The following CLRN1 variants were observed in gnomAD, a reference collection of about 807,000 sequenced individuals.
CLRN1 encodes clarin 1.
A neutral mutation model predicts 18.7 loss-of-function variants in CLRN1; 15 were observed. The ratio of observed to expected loss-of-function variants is 0.80; its 90% CI spans 0.54 to 1.23. The LOEUF is 1.23. CLRN1 is among the 50% of genes most tolerant of loss of function. The pLI is 0.00. For synonymous variants in CLRN1, 104 were observed against 102.9 expected, an observed-to-expected ratio of 1.01 and a Z score of -0.07; for missense variants, 311 against 277.5, an observed-to-expected ratio of 1.12 and a Z score of -0.86.
intron 1 of CLRN1, among the ~76,000 whole-genome samples, chr3:150,961,710 A>G (rs1224708766): frequency 6.6e-6 from 1 of 152,224 alleles, no homozygotes; most frequent in Non-Finnish European, 1.5e-5. Context: ...TTGAAAGAGA[A>G]TAAGAGGGAA....
intron 2 of CLRN1, among the ~76,000 whole-genome samples, chr3:150,930,645 CTCTTTA>C (rs1246806019): frequency 1.3e-5 from 2 of 152,104 alleles, no homozygotes. Context: ...GTGCTGTTTT[CTCTTTA>C]TCTTTTATTC....
At chr3:150,952,784 A>C (rs1714558718) in intron 1 of CLRN1, among the ~76,000 whole-genome samples, 1 of 152,220 alleles carries the variant, frequency 6.6e-6, no homozygotes. Context: ...AAGAAGTTGC[A>C]CTGATTTGCC....
rs1435965875 is a variant in CLRN1, at chr3:150,926,703, G to T, written c.*1233C>A. 7.2e-6 allele frequency: 9 copies of T among 1,255,678 alleles called. No individual in the cohort carries two copies. Among genetic ancestry groups the T allele is most frequent in the Non-Finnish European group, 1.0e-5 (9 of 861,008 alleles). The allele number at this position is 1,255,678 out of a possible 1,614,324, so 77.8% of individuals were successfully genotyped here. On this transcript the variant is annotated 3_prime_UTR_variant, in exon 3 of 3. Transcript: ENST00000327047. ...GGGAAACAGTGTTTTATTTTAAGGA[G>T]TACTTTCAAACCTATTATATGAGGG... is the stretch of plus-strand genomic sequence containing the variant.
intron 2 of CLRN1, among the ~76,000 whole-genome samples, chr3:150,929,586 A>G (rs1267651160): frequency 6.6e-5 from 10 of 152,358 alleles, no homozygotes; most frequent in Admixed American, 5.9e-4. Context: ...GCTAATATAA[A>G]TAAAGCATGA....
At chr3:150,935,044 A>G (rs902683483) in intron 2 of CLRN1, among the ~76,000 whole-genome samples, 3 of 152,006 alleles carry the variant, frequency 2.0e-5, no homozygotes, top group Non-Finnish European at 4.4e-5. Flanking sequence ...ATTGCTACTC[A>G]GTGTCGTTTG....
intron 2 of CLRN1, among the ~76,000 whole-genome samples, chr3:150,937,989 TC>T (rs1423850855): frequency 6.6e-6 from 1 of 152,086 alleles, no homozygotes; most frequent in Non-Finnish European, 1.5e-5. Context: ...CCCTTCCCTT[TC>T]CCCTTTCTAC....
chr3:150,953,389 C>T (rs1049419980), intron 1 of CLRN1, among the ~76,000 whole-genome samples: 3 of 152,132 alleles, frequency 2.0e-5, no homozygotes, highest in Admixed American at 6.5e-5. Context: ...CAATGTGTCT[C>T]GGTCTCCTCA....
chr3:150,941,138 G>GTATCTA (rs1553772523), intron 2 of CLRN1, among the ~76,000 whole-genome samples: 1 of 141,502 alleles, frequency 7.1e-6, no homozygotes, highest in Non-Finnish European at 1.5e-5. Flanking sequence ...CTGTCTGTCT[G>GTATCTA]TCTATCTATC....
intron 2 of CLRN1, among the ~76,000 whole-genome samples, chr3:150,930,063 T>C (rs1322893306): frequency 6.6e-6 from 1 of 152,252 alleles, no homozygotes; most frequent in Non-Finnish European, 1.5e-5. Context: ...ATAATACTCA[T>C]GATTTTTGCT....
intron 1 of CLRN1, among the ~76,000 whole-genome samples, chr3:150,947,928 A>G (rs928879674): frequency 6.6e-6 from 1 of 152,224 alleles, no homozygotes; most frequent in African/African-American, 2.4e-5. Context: ...TTATAGCACT[A>G]AATGTCCACA....
At position 150,927,344 on chromosome 3, in the gene CLRN1, C is replaced by G. The variant is rs750506543; in HGVS notation, c.*592G>C. 34 of 415,988 alleles carry G rather than the reference C, an allele frequency of 8.2e-5. No homozygotes were observed. The highest frequency in any genetic ancestry group is 4.7e-6 in the Non-Finnish European group (1 of 212,344). 25.8% of individuals were successfully genotyped at this position (415,988 alleles called of 1,614,324 possible). On this transcript the variant is annotated 3_prime_UTR_variant, in exon 3 of 3. Coordinates refer to ENST00000327047, the MANE Select transcript of CLRN1 (RefSeq NM_174878.3). Reference sequence around the variant, plus strand: ...TCACTTTATTGCCCAGGCTGTAACTCGAACTCCTGAACTCAAATGATCTTC... The same window carrying G: ...TCACTTTATTGCCCAGGCTGTAACTGGAACTCCTGAACTCAAATGATCTTC...
At chr3:150,968,840 C>T (rs898301434) in intron 1 of CLRN1, among the ~76,000 whole-genome samples, 2 of 152,172 alleles carry the variant, frequency 1.3e-5, no homozygotes, top group African/African-American at 2.4e-5. Context: ...TGACCCTATG[C>T]AAATCAGACA....
rs187383372 is a variant in CLRN1 at position 150,938,204 on chromosome 3, C to T, written c.433+3378G>A. On this transcript the variant is annotated intron_variant, in intron 2 of 2. Coordinates refer to ENST00000327047, the MANE Select transcript of CLRN1 (RefSeq NM_174878.3). ...AGTGAGCACTGCCACCTGGGCAGCACACATTGGCAAGAGAAACAAGGGAAG... is the reference window on the plus strand; with the variant it reads ...AGTGAGCACTGCCACCTGGGCAGCATACATTGGCAAGAGAAACAAGGGAAG... 8.5e-3 allele frequency among the ~76,000 whole-genome samples: 1,292 copies of T among 152,256 alleles called. 10 individuals carry two copies. The highest frequency in any genetic ancestry group is 0.013 in the Non-Finnish European group (911 of 68,000).
At chr3:150,953,814 G>A (rs78346264) in intron 1 of CLRN1, among the ~76,000 whole-genome samples, 5,831 of 152,120 alleles carry the variant, frequency 0.038, 218 homozygotes, top group East Asian at 0.17. Flanking sequence ...CACCACACCC[G>A]GCCAAGTACT....
chr3:150,970,262 G>A (rs927927956), intron 1 of CLRN1, among the ~76,000 whole-genome samples: 3 of 152,136 alleles, frequency 2.0e-5, no homozygotes, highest in Admixed American at 6.5e-5. Flanking sequence ...CCAAGCAAAC[G>A]TTGATGAAAC....
At chr3:150,961,175 C>T (rs1329084438) in intron 1 of CLRN1, among the ~76,000 whole-genome samples, 1 of 152,190 alleles carries the variant, frequency 6.6e-6, no homozygotes, top group Non-Finnish European at 1.5e-5. Flanking sequence ...GCTCCTTCCC[C>T]CTCCCCTCCT....
rs1475148515 is a variant in CLRN1, at chr3:150,926,933, G to A, written c.*1003C>T. ...AAAAAGTTGACCTGGGTCATGCTTGGTGACAGCCAGAACAAGACCAAGATG... is the reference window on the plus strand; with the variant it reads ...AAAAAGTTGACCTGGGTCATGCTTGATGACAGCCAGAACAAGACCAAGATG... On this transcript the variant is annotated 3_prime_UTR_variant, in exon 3 of 3. Coordinates refer to ENST00000327047, the MANE Select transcript of CLRN1 (RefSeq NM_174878.3). 8 of 1,613,504 alleles carry A rather than the reference G, an allele frequency of 5.0e-6. No individual in the cohort carries two copies. The highest frequency in any genetic ancestry group is 6.8e-6 in the Non-Finnish European group (8 of 1,179,708).
intron 1 of CLRN1, among the ~76,000 whole-genome samples, chr3:150,955,231 G>A (rs1025939956): frequency 6.6e-6 from 1 of 152,206 alleles, no homozygotes. Flanking sequence ...TTGCCAAGGG[G>A]TTGGGGGTAG....
At chr3:150,942,984 C>G (rs1429404493) in intron 1 of CLRN1, among the ~76,000 whole-genome samples, 1 of 152,148 alleles carries the variant, frequency 6.6e-6, no homozygotes, top group Non-Finnish European at 1.5e-5. Flanking sequence ...AGGCACCAGA[C>G]ACACAAGGGA....
Sources: allele counts gnomAD v4.1 joint callset (sites outside exome capture counted in the v4.1 genomes callset), GRCh38; gene constraint gnomAD v4.1.1; transcripts MANE v1.5; gene names NCBI Gene and HGNC (gene_info 2026-07-23, HGNC 2026-07-21).